The following TBC1D8 variants were observed in gnomAD, a reference collection of about 807,000 sequenced individuals.
TBC1D8 encodes BUB2-like protein 1.
A neutral mutation model predicts 118.8 loss-of-function variants in TBC1D8; 65 were observed. The observed-to-expected ratio is 0.55, with a 90% confidence interval of 0.45 to 0.67. The LOEUF is 0.67. TBC1D8 is among the 30% of genes least tolerant of loss of function. The pLI, the probability that TBC1D8 is intolerant of heterozygous loss-of-function variation, is 0.00. For missense variants in TBC1D8, 1,376 were observed against 1,471.2 expected (o/e 0.94, Z 1.06); for synonymous variants, 566 against 595.8 (o/e 0.95, Z 0.73).
chr2:101,011,760 A>G (rs1679233351), intron 17 of TBC1D8, among the ~76,000 whole-genome samples: 2 of 152,224 alleles, frequency 1.3e-5, no homozygotes, highest in Non-Finnish European at 2.9e-5. Context: ...TCCCAGAGGT[A>G]TGTGGAGACT....
chr2:101,027,525 CTT>C (rs1573892513), intron 14 of TBC1D8, 74 bp from the exon 15 acceptor site: 1 of 1,384,634 alleles, frequency 7.2e-7, no homozygotes, highest in East Asian at 2.3e-5. Context: ...AGAGGGGACT[CTT>C]CCTCCTGAAG....
chr2:101,126,967 G>A (rs1357367890), intron 1 of TBC1D8, among the ~76,000 whole-genome samples: 1 of 152,180 alleles, frequency 6.6e-6, no homozygotes, highest in African/African-American at 2.4e-5. Flanking sequence ...ATGGCCCCAG[G>A]TCACAAGGGC....
intron 2 of TBC1D8, among the ~76,000 whole-genome samples, chr2:101,077,512 G>C (rs1674922619): frequency 6.6e-6 from 1 of 152,264 alleles, no homozygotes; most frequent in South Asian, 2.1e-4. Flanking sequence ...CTCCCAAAGT[G>C]CTGGGATTAC....
chr2:101,047,057 T>G (rs1681753947), intron 5 of TBC1D8, among the ~76,000 whole-genome samples: 1 of 152,226 alleles, frequency 6.6e-6, no homozygotes, highest in South Asian at 2.1e-4. Context: ...AGGATGGTCT[T>G]TTTTCCTTTC....
At chr2:101,055,881 G>A (rs1682390504) in intron 3 of TBC1D8, among the ~76,000 whole-genome samples, 1 of 152,070 alleles carries the variant, frequency 6.6e-6, no homozygotes, top group Non-Finnish European at 1.5e-5. Flanking sequence ...GGCTGAGGCA[G>A]GAGAATCATG....
chr2:101,066,091 C>A (rs1177178500), intron 2 of TBC1D8, among the ~76,000 whole-genome samples: 2 of 152,044 alleles, frequency 1.3e-5, no homozygotes, highest in South Asian at 2.1e-4. Context: ...ACCAGCCTGG[C>A]CAACATGGTG....
chr2:101,113,894 A>G (rs973499247), intron 1 of TBC1D8, among the ~76,000 whole-genome samples: 3 of 152,252 alleles, frequency 2.0e-5, no homozygotes, highest in African/African-American at 7.2e-5. Flanking sequence ...AATCTTGAAA[A>G]GGAATGAGTC....
intron 1 of TBC1D8, among the ~76,000 whole-genome samples, chr2:101,124,198 C>G (rs1678252481): frequency 6.6e-6 from 1 of 152,106 alleles, no homozygotes; most frequent in African/African-American, 2.4e-5. Context: ...CCAGAAACAG[C>G]AGGAGAGAGG....
intron 1 of TBC1D8, among the ~76,000 whole-genome samples, chr2:101,111,565 C>A (rs1677589069): frequency 6.6e-6 from 1 of 152,166 alleles, no homozygotes; most frequent in Non-Finnish European, 1.5e-5. Flanking sequence ...GCACATGGTG[C>A]CCCAGATACA....
chr2:101,069,817 G>C (rs899887258), intron 2 of TBC1D8, among the ~76,000 whole-genome samples: 1 of 151,740 alleles, frequency 6.6e-6, no homozygotes, highest in Non-Finnish European at 1.5e-5. Context: ...TTTTAGAATT[G>C]CAAATTAAAT....
chr2:101,062,010 C>T (rs918706474), intron 2 of TBC1D8, among the ~76,000 whole-genome samples: 5 of 152,234 alleles, frequency 3.3e-5, no homozygotes, highest in African/African-American at 1.2e-4. Context: ...GCTGGCCCGA[C>T]TTAGGGGTAC....
rs55649821 is a variant in TBC1D8, at chr2:101,105,592, T to TA, written c.128-15229dup. On this transcript the variant is annotated intron_variant, in intron 1 of 19. Coordinates refer to ENST00000409318, the MANE Select transcript of TBC1D8 (RefSeq NM_001330348.2). Reference sequence around the variant, plus strand: ...TGACAGACCAGACTCTGTCTCAAATTAAAAAAAAAAAAAAAACATATATAT... The same window carrying TA: ...TGACAGACCAGACTCTGTCTCAAATTAAAAAAAAAAAAAAAAACATATATAT... Among the ~76,000 whole-genome samples, 618 of 124,662 alleles carry TA rather than the reference T, an allele frequency of 5.0e-3. 3 individuals are homozygous for TA. The highest frequency in any genetic ancestry group is 9.7e-3 in the African/African-American group (321 of 33,112). The allele number at this position is 124,662 out of a possible 152,430, so 81.8% of individuals were successfully genotyped here.
intron 1 of TBC1D8, among the ~76,000 whole-genome samples, chr2:101,123,618 C>T (rs1240000774): frequency 6.6e-6 from 1 of 152,178 alleles, no homozygotes; most frequent in Non-Finnish European, 1.5e-5. Flanking sequence ...CTCACCACTA[C>T]TCCAAAGACA....
intron 1 of TBC1D8, among the ~76,000 whole-genome samples, chr2:101,091,058 G>A (rs1362925971): frequency 3.3e-5 from 5 of 152,060 alleles, no homozygotes; most frequent in Admixed American, 2.6e-4. Context: ...CAAGGCGGGA[G>A]GATCACTTGA....
At chr2:101,009,827 C>CT (rs1202991001) in intron 19 of TBC1D8, among the ~76,000 whole-genome samples, 2,883 of 121,882 alleles carry the variant, frequency 0.024, 162 homozygotes, top group Admixed American at 0.15. Flanking sequence ...GGAGCTTTTT[C>CT]TTTTTTTTTT....
chr2:101,149,453 C>T (rs372110782), intron 1 of TBC1D8, among the ~76,000 whole-genome samples: 11 of 152,166 alleles, frequency 7.2e-5, no homozygotes, highest in Admixed American at 3.9e-4. Flanking sequence ...CGGCCCTCAC[C>T]GCCTGCTCTC....
chr2:101,131,698 C>G (rs1678598541), intron 1 of TBC1D8, among the ~76,000 whole-genome samples: 1 of 151,886 alleles, frequency 6.6e-6, no homozygotes, highest in African/African-American at 2.4e-5. Context: ...GCCTGTAGTC[C>G]CAGCTACTCG....
At chr2:101,107,753 TAC>T in intron 1 of TBC1D8, among the ~76,000 whole-genome samples, 1 of 152,202 alleles carries the variant, frequency 6.6e-6, no homozygotes, top group South Asian at 2.1e-4. Flanking sequence ...TGGAACCATT[TAC>T]AGTGTCAAAA....
chr2:101,125,749 T>C (rs1354528263), intron 1 of TBC1D8, among the ~76,000 whole-genome samples: 1 of 152,266 alleles, frequency 6.6e-6, no homozygotes, highest in Non-Finnish European at 1.5e-5. Context: ...TAAGGATATC[T>C]AAATGTATTG....
Sources: allele counts gnomAD v4.1 joint callset (sites outside exome capture counted in the v4.1 genomes callset), GRCh38; gene constraint gnomAD v4.1.1; transcripts MANE v1.5; gene names NCBI Gene and HGNC (gene_info 2026-07-23, HGNC 2026-07-21).